SPTBN1: variants seen among roughly 807,000 people sequenced by gnomAD.
SPTBN1 encodes spectrin beta chain, non-erythrocytic 1.
SPTBN1 carries 32 observed loss-of-function variants against 266.4 expected under a neutral mutation model. The observed-to-expected ratio is 0.12, with a 90% CI of 0.09 to 0.16. The LOEUF (loss-of-function observed/expected upper bound fraction) is 0.16. SPTBN1 is among the 10% of genes least tolerant of loss of function. SPTBN1 has a pLI of 1.00. For synonymous variants in SPTBN1, 1,336 were observed against 1,162.2 expected (o/e 1.15, Z -3.04); for missense variants, 2,296 against 3,067.1 (o/e 0.75, Z 5.94).
chr2:54,500,580 C>G (rs1187362813), intron 1 of SPTBN1, among the ~76,000 whole-genome samples: 1 of 152,166 alleles, frequency 6.6e-6, no homozygotes, highest in Non-Finnish European at 1.5e-5. Flanking sequence ...GGGTCTGGCT[C>G]TGTTGCCCAG....
At chr2:54,504,497 G>A (rs73932784) in intron 1 of SPTBN1, among the ~76,000 whole-genome samples, 4,262 of 152,238 alleles carry the variant, frequency 0.028, 194 homozygotes, top group African/African-American at 0.094. Context: ...CACAAAGTTC[G>A]AAAAAGCAGA....
intron 1 of SPTBN1, among the ~76,000 whole-genome samples, chr2:54,503,215 CT>C (rs529214726): frequency 1.3e-5 from 2 of 152,234 alleles, no homozygotes; most frequent in Non-Finnish European, 2.9e-5. Flanking sequence ...TTATGCTCAG[CT>C]TTTTTGCATG....
At chr2:54,583,795 G>T (rs1675105362) in intron 2 of SPTBN1, among the ~76,000 whole-genome samples, 1 of 152,174 alleles carries the variant, frequency 6.6e-6, no homozygotes, top group South Asian at 2.1e-4. Flanking sequence ...TGCCCCAGAA[G>T]AGTATGTTTT....
intron 2 of SPTBN1, among the ~76,000 whole-genome samples, chr2:54,556,124 G>T (rs181877525): frequency 1.8e-3 from 271 of 152,354 alleles, no homozygotes; most frequent in African/African-American, 6.1e-3. Flanking sequence ...AATAAAGAAT[G>T]AATACCTCTG....
rs1168510709 is a variant in SPTBN1, at chr2:54,621,566, C to T, written c.876+54C>T. On this transcript the variant is annotated intron_variant, in intron 8 of 35. Coordinates refer to ENST00000356805, the MANE Select transcript of SPTBN1 (RefSeq NM_003128.3). ...GAGACATAATTAAGGTTAATTGAGC[C>T]CTCATTCTCCCATGCACTCATAAAA... The T allele has an allele frequency of 4.2e-6, 6 of 1,414,278 alleles. 1 individual carries two copies. The East Asian group carries it at 6.8e-5, about 16-fold the overall frequency. 87.6% of individuals were successfully genotyped at this position (1,414,278 alleles called of 1,614,324 possible).
intron 2 of SPTBN1, among the ~76,000 whole-genome samples, chr2:54,591,036 G>A (rs1296953759): frequency 6.6e-6 from 1 of 152,280 alleles, no homozygotes; most frequent in African/African-American, 2.4e-5. Context: ...TTCAAAACAC[G>A]CAAAAATAGA....
intron 2 of SPTBN1, among the ~76,000 whole-genome samples, chr2:54,564,908 G>A (rs535829317): frequency 6.6e-6 from 1 of 152,262 alleles, no homozygotes; most frequent in African/African-American, 2.4e-5. Flanking sequence ...AGTCTGAATA[G>A]TCTGTCTTAC....
chr2:54,667,531 G>A, intron 34 of SPTBN1, 73 bp from the exon 35 acceptor site: 1 of 1,415,446 alleles, frequency 7.1e-7, no homozygotes, highest in Non-Finnish European at 1.0e-6. Flanking sequence ...TGTCCTGCAT[G>A]GGATATGGGA....
chr2:54,611,934 C>A (rs1295469169), intron 3 of SPTBN1, among the ~76,000 whole-genome samples: 1 of 152,226 alleles, frequency 6.6e-6, no homozygotes, highest in African/African-American at 2.4e-5. Context: ...TATAGCTCCA[C>A]AACTATTCTC....
intron 1 of SPTBN1, chr2:54,457,216 C>T (rs1693100268): frequency 6.8e-6 from 1 of 146,986 alleles, no homozygotes; most frequent in African/African-American, 2.5e-5. Flanking sequence ...CGCCTCCGGG[C>T]GCCGAGCCGC....
rs903500891 is a variant in SPTBN1, at chr2:54,626,946, G to A, written c.1644+712G>A. Among the ~76,000 whole-genome samples the A allele has an allele frequency of 3.3e-5, 5 of 152,120 alleles. No homozygotes were observed. The highest frequency in any genetic ancestry group is 7.2e-5 in the African/African-American group (3 of 41,408). ...TACCTGTTCATGTCCTCCAATGCAG[G>A]CCATGGAATGCTCAGCCATGCCAAG... On this transcript the variant is annotated intron_variant, in intron 12 of 35. Coordinates refer to ENST00000356805, the MANE Select transcript of SPTBN1 (RefSeq NM_003128.3). This position sits in a 1 kb window ranked among gnomAD's most constrained non-coding sequence, Gnocchi z 4.7.
chr2:54,653,337 T>C lies in SPTBN1; in HGVS notation c.5578-272T>C. Reference sequence around the variant, plus strand: ...TATCCCAGGCTGCCTCCAGGGGACTTTCCCTGACTAAACTCTCCTGCCTGT... The same window carrying C: ...TATCCCAGGCTGCCTCCAGGGGACTCTCCCTGACTAAACTCTCCTGCCTGT... On this transcript the variant is annotated intron_variant, in intron 26 of 35. Transcript: ENST00000356805. The surrounding 1 kb of genome is among the most constrained non-coding windows in gnomAD (Gnocchi z 5.1). The C allele has an allele frequency of 4.9e-6, 2 of 405,192 alleles. No homozygotes were observed. The highest frequency in any genetic ancestry group is 8.5e-6 in the Non-Finnish European group (2 of 234,166). The allele number at this position is 405,192 out of a possible 1,614,324, so 25.1% of individuals were successfully genotyped here. A position where few individuals can be genotyped will look rare whatever the true frequency, so the allele number is the denominator to read the frequency against.
chr2:54,633,613 A>G (rs1032111959), intron 17 of SPTBN1, among the ~76,000 whole-genome samples: 9 of 152,226 alleles, frequency 5.9e-5, no homozygotes, highest in Admixed American at 2.6e-4. Flanking sequence ...CACTGGATCA[A>G]TCACTAGCCC....
At chr2:54,632,171 G>T (rs1678785078) in intron 16 of SPTBN1, among the ~76,000 whole-genome samples, 2 of 151,186 alleles carry the variant, frequency 1.3e-5, no homozygotes, top group African/African-American at 4.9e-5. Context: ...GACTTCACCT[G>T]AGGACACAAA....
chr2:54,517,086 T>G (rs573143196), intron 1 of SPTBN1, among the ~76,000 whole-genome samples: 1 of 151,328 alleles, frequency 6.6e-6, no homozygotes, highest in Non-Finnish European at 1.5e-5. Flanking sequence ...GTTTGAGTAT[T>G]TCTTATCCCA....
At chr2:54,464,176 A>G (rs1693511334) in intron 1 of SPTBN1, among the ~76,000 whole-genome samples, 1 of 152,214 alleles carries the variant, frequency 6.6e-6, no homozygotes, top group African/African-American at 2.4e-5. Flanking sequence ...TTGAACTGAA[A>G]TCTCACATGT....
chr2:54,651,072 C>T (rs1680248981), intron 26 of SPTBN1, among the ~76,000 whole-genome samples: 1 of 152,190 alleles, frequency 6.6e-6, no homozygotes. Context: ...ATAGTGAGAT[C>T]TCTAGAAATG....
chr2:54,535,192 T>C, intron 2 of SPTBN1: 1 of 152,266 alleles, frequency 6.6e-6, no homozygotes, highest in East Asian at 1.9e-4. Context: ...TCTTATCCTT[T>C]TCCTGGCTCT....
intron 1 of SPTBN1, among the ~76,000 whole-genome samples, chr2:54,510,381 C>T (rs147101680): frequency 3.3e-5 from 5 of 152,352 alleles, no homozygotes; most frequent in African/African-American, 1.2e-4. Context: ...ACTCCTACAA[C>T]ATGTGAATTT....
Sources: gnomAD v4.1 joint callset for allele counts (sites outside exome capture counted in the v4.1 genomes callset) on GRCh38, gnomAD v4.1.1 for gene constraint, Gnocchi (gnomAD v3.1) non-coding constraint, MANE v1.5 for transcripts, NCBI Gene and HGNC (gene_info 2026-07-23, HGNC 2026-07-21) for gene names.